Variants in ENTREP2 observed in about 807,000 individuals in gnomAD.
ENTREP2 encodes the protein protein ENTREP2.
chr15:29,656,022 T>TA, the ENTREP2 span, among the ~76,000 whole-genome samples: 2,962 of 100,244 alleles, frequency 0.03, 46 homozygotes, highest in Admixed American at 0.056. Flanking sequence ...ACACTCCGTT[T>TA]AAAAAAAAAA....
At chr15:29,234,847 T>A in the ENTREP2 span, 4 of 1,419,200 alleles carry the variant, frequency 2.8e-6, no homozygotes, top group Non-Finnish European at 4.0e-6. Flanking sequence ...TTGCATTAGA[T>A]ATGTTTGCTT....
At chr15:29,411,773 T>C in the ENTREP2 span, among the ~76,000 whole-genome samples, 1 of 152,260 alleles carries the variant, frequency 6.6e-6, no homozygotes, top group Non-Finnish European at 1.5e-5. Flanking sequence ...AAAGTTCCAA[T>C]GTTTTGCTTT....
At chr15:29,667,058 G>T in the ENTREP2 span, among the ~76,000 whole-genome samples, 1 of 152,132 alleles carries the variant, frequency 6.6e-6, no homozygotes, top group Admixed American at 6.5e-5. Flanking sequence ...AGTCACACTG[G>T]ATTAGGGCCC....
the ENTREP2 span, among the ~76,000 whole-genome samples, chr15:29,373,073 C>T: frequency 1.3e-5 from 2 of 151,714 alleles, no homozygotes; most frequent in Admixed American, 1.3e-4. Context: ...TAAAAAGACA[C>T]TTTGTTAAAA....
chr15:29,577,349 T>TGTGTGTGTGA, the ENTREP2 span, among the ~76,000 whole-genome samples: 790 of 144,412 alleles, frequency 5.5e-3, 4 homozygotes, highest in Middle Eastern at 0.024. Flanking sequence ...TGTGTGTGTG[T>TGTGTGTGTGA]GAGAGAGAGA....
chr15:29,258,602 A>G, the ENTREP2 span, among the ~76,000 whole-genome samples: 1 of 152,028 alleles, frequency 6.6e-6, no homozygotes, highest in East Asian at 1.9e-4. Context: ...GTTTACCTTT[A>G]TTCCCATTTT....
the ENTREP2 span, among the ~76,000 whole-genome samples, chr15:29,487,026 C>T: frequency 1.3e-5 from 2 of 152,010 alleles, no homozygotes; most frequent in East Asian, 3.9e-4. Context: ...TCTCAAAAAG[C>T]TAGAATAGAG....
the ENTREP2 span, among the ~76,000 whole-genome samples, chr15:29,198,052 G>A: frequency 6.6e-6 from 1 of 152,156 alleles, no homozygotes; most frequent in African/African-American, 2.4e-5. Context: ...GGGTAATGGA[G>A]CATCCTCAGA....
At chr15:29,332,286 T>G in the ENTREP2 span, among the ~76,000 whole-genome samples, 14 of 152,312 alleles carry the variant, frequency 9.2e-5, no homozygotes, top group Non-Finnish European at 1.6e-4. Context: ...GTGACCCCAG[T>G]GTAACTCTAT....
chr15:29,377,512 G>A, the ENTREP2 span, among the ~76,000 whole-genome samples: 1 of 151,950 alleles, frequency 6.6e-6, no homozygotes, highest in South Asian at 2.1e-4. Flanking sequence ...GAGAAGACAG[G>A]GGCAGCTGCA....
the ENTREP2 span, among the ~76,000 whole-genome samples, chr15:29,509,717 T>C: frequency 1.5e-4 from 23 of 152,174 alleles, no homozygotes; most frequent in African/African-American, 5.5e-4. Context: ...AAACTGAAAC[T>C]GGACCCCTTC....
At chr15:29,319,283 C>A in the ENTREP2 span, among the ~76,000 whole-genome samples, 2 of 152,186 alleles carry the variant, frequency 1.3e-5, no homozygotes, top group Non-Finnish European at 2.9e-5. Context: ...AGAGAAAGTG[C>A]AAGCCAGACC....
the ENTREP2 span, among the ~76,000 whole-genome samples, chr15:29,162,578 C>T: frequency 2.0e-5 from 3 of 152,074 alleles, no homozygotes; most frequent in African/African-American, 4.8e-5. Flanking sequence ...TCAGCAGAGG[C>T]AGCCATAATC....
At chr15:29,312,415 CT>C in the ENTREP2 span, among the ~76,000 whole-genome samples, 3 of 151,792 alleles carry the variant, frequency 2.0e-5, no homozygotes, top group Admixed American at 2.0e-4. Context: ...TTGTTCTTCA[CT>C]TTATCATGCT....
At chr15:29,144,619 A>C in the ENTREP2 span, among the ~76,000 whole-genome samples, 1 of 152,148 alleles carries the variant, frequency 6.6e-6, no homozygotes, top group Admixed American at 6.5e-5. Flanking sequence ...AGTCTCAGCT[A>C]CTTGGGAGGC....
chr15:29,448,786 T>G, the ENTREP2 span, among the ~76,000 whole-genome samples: 1 of 152,264 alleles, frequency 6.6e-6, no homozygotes, highest in Admixed American at 6.5e-5. Flanking sequence ...GAATCAAATT[T>G]AATCCAGCTT....
chr15:29,345,096 G>A, the ENTREP2 span, among the ~76,000 whole-genome samples: 1 of 152,078 alleles, frequency 6.6e-6, no homozygotes, highest in African/African-American at 2.4e-5. Flanking sequence ...CATGAAATCC[G>A]AACGCAATGA....
the ENTREP2 span, among the ~76,000 whole-genome samples, chr15:29,577,891 T>A: frequency 6.6e-6 from 1 of 152,104 alleles, no homozygotes; most frequent in Non-Finnish European, 1.5e-5. Context: ...AAATTCATAA[T>A]GACAGAAAGC....
chr15:29,132,146 C>A, the ENTREP2 span, among the ~76,000 whole-genome samples: 2 of 151,372 alleles, frequency 1.3e-5, no homozygotes, highest in South Asian at 2.1e-4. Context: ...GCACTTTCTA[C>A]GCCATTTGTC....
Sources: gnomAD v4.1 joint callset for allele counts (sites outside exome capture counted in the v4.1 genomes callset) on GRCh38, gnomAD v4.1.1 for gene constraint, MANE v1.5 for transcripts, NCBI Gene and HGNC (gene_info 2026-07-23, HGNC 2026-07-21) for gene names.